The following PRDM6 variants were observed in gnomAD, a reference collection of about 807,000 sequenced individuals.
PRDM6 encodes PR/SET domain 6.
A neutral mutation model predicts 60.8 loss-of-function variants in PRDM6; 25 were observed. That is an observed-to-expected ratio of 0.41 (90% confidence interval 0.30 to 0.57). The LOEUF is 0.57. PRDM6 is among the 20% of genes least tolerant of loss of function. The pLI is 0.27. For missense variants in PRDM6, 839 were observed against 821.3 expected (o/e 1.02, Z -0.26); for synonymous variants, 407 against 357.4 (o/e 1.14, Z -1.57).
At chr5:123,091,610 G>A (rs896522209) in intron 2 of PRDM6, among the ~76,000 whole-genome samples, 2 of 152,198 alleles carry the variant, frequency 1.3e-5, no homozygotes, top group African/African-American at 4.8e-5. Flanking sequence ...AATTTCAGAA[G>A]TTATACTGTG....
At chr5:123,156,358 A>G (rs1765500952) in intron 4 of PRDM6, among the ~76,000 whole-genome samples, 1 of 152,164 alleles carries the variant, frequency 6.6e-6, no homozygotes, top group African/African-American at 2.4e-5. Flanking sequence ...AGATAAGTAG[A>G]AGGTCAGAGA....
intron 3 of PRDM6, among the ~76,000 whole-genome samples, chr5:123,101,987 G>A (rs1450789043): frequency 6.6e-6 from 1 of 152,320 alleles, no homozygotes; most frequent in Admixed American, 6.5e-5. Context: ...AGTGTGCTGG[G>A]ATGGTTCTTA....
chr5:123,165,872 C>A (rs1765740429), intron 5 of PRDM6, among the ~76,000 whole-genome samples: 1 of 152,208 alleles, frequency 6.6e-6, no homozygotes, highest in Non-Finnish European at 1.5e-5. Context: ...ACACCCAAGC[C>A]TAAAATCTTT....
At chr5:123,092,839 C>T (rs1342426243) in intron 2 of PRDM6, among the ~76,000 whole-genome samples, 1 of 152,188 alleles carries the variant, frequency 6.6e-6, no homozygotes, top group African/African-American at 2.4e-5. Flanking sequence ...CTTCTCTGGA[C>T]AAGCAAGCTT....
chr5:123,134,840 A>C (rs552337526), intron 3 of PRDM6, among the ~76,000 whole-genome samples: 1 of 152,224 alleles, frequency 6.6e-6, no homozygotes, highest in Non-Finnish European at 1.5e-5. Flanking sequence ...AGAGATCTGC[A>C]ATAGAATGTT....
Position 123,089,990 on chromosome 5 carries a change from C to T in PRDM6, c.-15-10C>T. The T allele has an allele frequency of 1.3e-6, 2 of 1,535,656 alleles. No individual in the cohort carries two copies. The highest frequency in any genetic ancestry group is 1.8e-6 in the Non-Finnish European group (2 of 1,137,314). ...TCACGCGCCCCCTCTTCCCTGCCCT[C>T]TGCCCCCAGTTCGAGGCGCCGGACA... On this transcript the variant is annotated splice_polypyrimidine_tract_variant and intron_variant, in intron 1 of 7. Transcript: ENST00000407847.
rs537433572 is a variant in PRDM6 at position 123,104,674 on chromosome 5, A to G, written c.900+4713A>G. On this transcript the variant is annotated intron_variant, in intron 3 of 7. Transcript: ENST00000407847. The stretch of plus-strand genomic sequence containing the variant: ...TTTCTCCTTAAAAATAAACCATAGT[A>G]ATGCTACTATTATGTTTTAAATTAT... 1.1e-3 allele frequency among the ~76,000 whole-genome samples: 167 copies of G among 152,334 alleles called. 1 individual carries two copies. The highest frequency in any genetic ancestry group is 3.8e-3 in the African/African-American group (159 of 41,580).
intron 3 of PRDM6, among the ~76,000 whole-genome samples, chr5:123,130,872 A>T (rs539071504): frequency 8.2e-4 from 125 of 152,262 alleles, no homozygotes; most frequent in African/African-American, 3.0e-3. Context: ...CAGCCTAGGA[A>T]TATTTTTAAA....
chr5:123,177,656 C>G (rs1230306314), intron 6 of PRDM6, among the ~76,000 whole-genome samples: 3 of 152,176 alleles, frequency 2.0e-5, no homozygotes, highest in Non-Finnish European at 2.9e-5. Flanking sequence ...AGGGAGCTGA[C>G]TTGTAGACAT....
chr5:123,090,501 G>C lies in PRDM6; in HGVS notation c.487G>C (p.Ala163Pro). The change falls in exon 2 of 8, where the codon GCC (alanine) becomes CCC (proline). Residue 163 changes from alanine to proline, a missense_variant. Ala to Pro is a conservative substitution (Grantham distance 27, BLOSUM62 -1). Coordinates refer to ENST00000407847, the MANE Select transcript of PRDM6 (RefSeq NM_001136239.4). ...CGGCGGCGGCGGGGAGGGTCGCGGCGCCCCGCGCTTCCGCTGCAGCGCAGA... is the reference window on the plus strand; with the variant it reads ...CGGCGGCGGCGGGGAGGGTCGCGGCCCCCCGCGCTTCCGCTGCAGCGCAGA... ...GGGGGGEGRG[A>P]PRFRCSAEEL... 6.7e-7 allele frequency: 1 copy of C among 1,489,788 alleles called. No individual in the cohort carries two copies. Among genetic ancestry groups the C allele is most frequent in the Non-Finnish European group, 8.9e-7 (1 of 1,128,588 alleles). The allele number at this position is 1,489,788 out of a possible 1,614,324, so 92.3% of individuals were successfully genotyped here.
intron 7 of PRDM6, among the ~76,000 whole-genome samples, chr5:123,184,457 A>G (rs1179236597): frequency 1.3e-5 from 2 of 152,152 alleles, no homozygotes; most frequent in South Asian, 2.1e-4. Flanking sequence ...ATCAGCACCT[A>G]TGCTAAGGGA....
intron 7 of PRDM6, among the ~76,000 whole-genome samples, chr5:123,185,696 G>C (rs1352498247): frequency 6.6e-6 from 1 of 152,216 alleles, no homozygotes; most frequent in Non-Finnish European, 1.5e-5. Context: ...CAGGAGCCCT[G>C]AAAAATCCAA....
At chr5:123,154,415 C>G (rs73298848) in intron 3 of PRDM6, among the ~76,000 whole-genome samples, 3,038 of 152,108 alleles carry the variant, frequency 0.02, 100 homozygotes, top group African/African-American at 0.069. Flanking sequence ...GTCATAACTT[C>G]TCAATTGTTT....
rs1409652242 is a variant in PRDM6 at position 123,193,067 on chromosome 5, A to C, written c.*5866A>C. Reference sequence around the variant, plus strand: ...TTTCATCATGAACTGGCTTTATTACAACTCTTTACCGTGGTTTATTGAAAC... The same window carrying C: ...TTTCATCATGAACTGGCTTTATTACCACTCTTTACCGTGGTTTATTGAAAC... On this transcript the variant is annotated 3_prime_UTR_variant, in exon 8 of 8. Coordinates refer to ENST00000407847, the MANE Select transcript of PRDM6 (RefSeq NM_001136239.4). The C allele has an allele frequency of 2.6e-5, 4 of 152,180 alleles. No homozygotes were observed. The highest frequency in any genetic ancestry group is 5.9e-5 in the Non-Finnish European group (4 of 68,034). The allele number at this position is 152,180 out of a possible 1,614,324, so 9.4% of individuals were successfully genotyped here.
chr5:123,129,023 C>G (rs193189871), intron 3 of PRDM6, among the ~76,000 whole-genome samples: 1 of 152,180 alleles, frequency 6.6e-6, no homozygotes, highest in Non-Finnish European at 1.5e-5. Flanking sequence ...AATAGGGAAT[C>G]GTTTCCCCAT....
In PRDM6 at chr5:123,099,882, T is replaced by C. The variant is rs1322296754; in HGVS notation, c.821T>C (p.Ile274Thr). The C allele has an allele frequency of 6.5e-7, 1 of 1,549,792 alleles. No individual in the cohort carries two copies. The highest frequency in any genetic ancestry group is 8.7e-7 in the Non-Finnish European group (1 of 1,146,470). The change falls in exon 3 of 8, where the codon ATT (isoleucine) becomes ACT (threonine). Residue 274 changes from isoleucine (I) to threonine (T), a missense_variant. Physicochemically the swap from Ile to Thr is moderately conservative, Grantham distance 89. Coordinates refer to ENST00000407847, the MANE Select transcript of PRDM6 (RefSeq NM_001136239.4). This position sits in a 1 kb window ranked among gnomAD's most constrained non-coding sequence, Gnocchi z 4.0. The part of the protein sequence containing the change: ...AAQRIQQGTW[I>T]GPFQGVLLPP... ...CAGAGGATCCAGCAAGGCACCTGGA[T>C]TGGACCTTTCCAAGGCGTGCTTCTG...
chr5:123,131,939 C>T (rs1764842890), intron 3 of PRDM6, among the ~76,000 whole-genome samples: 1 of 152,030 alleles, frequency 6.6e-6, no homozygotes, highest in African/African-American at 2.4e-5. Context: ...CTTTCTGTAC[C>T]CTGGGTGCCT....
chr5:123,142,357 TTAA>T (rs1471323519), intron 3 of PRDM6, among the ~76,000 whole-genome samples: 1 of 152,206 alleles, frequency 6.6e-6, no homozygotes, highest in African/African-American at 2.4e-5. Context: ...GGTCATACAG[TTAA>T]TACTGCCAGA....
At chr5:123,172,120 C>T (rs539279879) in intron 6 of PRDM6, among the ~76,000 whole-genome samples, 36 of 152,234 alleles carry the variant, frequency 2.4e-4, no homozygotes, top group Non-Finnish European at 4.3e-4. Context: ...CCACTTGGCT[C>T]TCCTCGCCTA....
Sources: allele counts gnomAD v4.1 joint callset (sites outside exome capture counted in the v4.1 genomes callset), GRCh38; gene constraint gnomAD v4.1.1; non-coding constraint Gnocchi (gnomAD v3.1); transcripts MANE v1.5; gene names NCBI Gene and HGNC (gene_info 2026-07-23, HGNC 2026-07-21).